Variants in CTTNBP2NL observed in about 807,000 individuals in gnomAD.
CTTNBP2NL encodes CTTNBP2 N-terminal like.
A neutral mutation model predicts 32.5 loss-of-function variants in CTTNBP2NL; 16 were observed. The ratio of observed to expected loss-of-function variants is 0.49; its 90% CI spans 0.33 to 0.75. The LOEUF (loss-of-function observed/expected upper bound fraction) is 0.75, where lower values mean the gene tolerates loss of function less well. Among genes scored for constraint, CTTNBP2NL ranks in the 30% least tolerant of loss-of-function variants. The pLI, the probability that CTTNBP2NL is intolerant of heterozygous loss-of-function variation, is 0.02. For synonymous variants in CTTNBP2NL, 298 were observed against 289.4 expected, an observed-to-expected ratio of 1.03 and a Z score of -0.30; for missense variants, 645 against 756.0, an observed-to-expected ratio of 0.85 and a Z score of 1.72.
At chr1:112,453,052 T>C (rs546475756) in intron 4 of CTTNBP2NL, among the ~76,000 whole-genome samples, 1 of 151,042 alleles carries the variant, frequency 6.6e-6, no homozygotes, top group African/African-American at 2.4e-5. Context: ...GAGGCAAAGA[T>C]TGCAGTGAGC....
chr1:112,394,255 T>C (rs1394581160), upstream of CTTNBP2NL, among the ~76,000 whole-genome samples: 1 of 150,374 alleles, frequency 6.7e-6, no homozygotes, highest in East Asian at 1.9e-4. Flanking sequence ...GCTGATTCAC[T>C]AGAACAACTC....
At chr1:112,425,979 GTGTGTGTGTGTGTGTGTGTGTGTGTC>G (rs1231051011) in intron 3 of CTTNBP2NL, among the ~76,000 whole-genome samples, 2 of 121,378 alleles carry the variant, frequency 1.6e-5, no homozygotes, top group Admixed American at 9.2e-5. Flanking sequence ...GTGTGTGTGT[GTGTGTGTGTGTGTGTGTGTGTGTGTC>G]TGTCTGTCTT....
At chr1:112,409,088 A>C (rs180894215) in intron 1 of CTTNBP2NL, among the ~76,000 whole-genome samples, 1,500 of 148,042 alleles carry the variant, frequency 0.01, 12 homozygotes, top group Middle Eastern at 0.021. Context: ...AGGTTGTGCC[A>C]GTGCACTCCA....
Position 112,459,023 on chromosome 1 carries a change from C to T in CTTNBP2NL, c.*1611C>T, listed in dbSNP as rs138107052. 3 of 152,292 alleles carry T rather than the reference C, an allele frequency of 2.0e-5. No homozygotes were observed. In the East Asian group the frequency reaches 5.8e-4, roughly 29 times the overall value. The allele number at this position is 152,292 out of a possible 1,614,324, so 9.4% of individuals were successfully genotyped here. A position where few individuals can be genotyped will look rare whatever the true frequency, so the allele number is the denominator to read the frequency against. ...TGCAAGAATGCTAAACCAGGATTAC[C>T]AGTTCTTCACATTTTTTGAAATCCA... is the stretch of plus-strand genomic sequence containing the variant. On this transcript the variant is annotated 3_prime_UTR_variant, in exon 6 of 6. Coordinates refer to ENST00000271277, the MANE Select transcript of CTTNBP2NL (RefSeq NM_018704.3).
chr1:112,431,926 C>T (rs991222271), intron 3 of CTTNBP2NL, among the ~76,000 whole-genome samples: 9 of 151,806 alleles, frequency 5.9e-5, no homozygotes, highest in Non-Finnish European at 1.0e-4. Context: ...AAAGCAAGAC[C>T]CTGTCTCTAC....
chr1:112,415,797 C>T (rs867164058), intron 2 of CTTNBP2NL: 11 of 232,444 alleles, frequency 4.7e-5, no homozygotes, highest in East Asian at 1.7e-4. Context: ...CTTCGTGGTC[C>T]GCCCACCTTA....
chr1:112,446,739 A>G (rs1650054070), intron 3 of CTTNBP2NL, among the ~76,000 whole-genome samples: 2 of 152,168 alleles, frequency 1.3e-5, no homozygotes, highest in South Asian at 4.2e-4. Flanking sequence ...TTGTAGAGAC[A>G]AGGTCTCCCT....
chr1:112,452,022 T>G (rs1321418520), intron 4 of CTTNBP2NL, among the ~76,000 whole-genome samples: 6 of 152,164 alleles, frequency 3.9e-5, no homozygotes, highest in Non-Finnish European at 2.9e-5. Flanking sequence ...TGTGGGGTTT[T>G]AGTCTTTTTA....
intron 3 of CTTNBP2NL, among the ~76,000 whole-genome samples, chr1:112,435,398 A>T (rs1649702456): frequency 6.6e-6 from 1 of 152,134 alleles, no homozygotes; most frequent in Non-Finnish European, 1.5e-5. Context: ...TATCCCAGGT[A>T]TCTGGACCCA....
In CTTNBP2NL at chr1:112,405,023, C is replaced by T. The variant is rs189265802; in HGVS notation, c.-133-7171C>T. ...CCGAGGTTGCGGTGAGCCGAGGTTG[C>T]GCCATTGCACTCCAGGCTGGGCAAC... On this transcript the variant is annotated intron_variant, in intron 1 of 5. Transcript: ENST00000271277. 9.7e-3 allele frequency among the ~76,000 whole-genome samples: 1,475 copies of T among 151,648 alleles called. 35 individuals carry two copies. The highest frequency in any genetic ancestry group is 0.034 in the African/African-American group (1,390 of 41,354).
rs1650386864 is a variant in CTTNBP2NL, at chr1:112,456,967, T to C, written c.1475T>C (p.Ile492Thr). 2 of 1,613,960 alleles carry C rather than the reference T, an allele frequency of 1.2e-6. No homozygotes were observed. The highest frequency in any genetic ancestry group is 1.7e-6 in the Non-Finnish European group (2 of 1,180,002). Residue 492 changes from isoleucine to threonine, a missense_variant, in exon 6 of 6, where the codon ATA (isoleucine) becomes ACA (threonine). Transcript: ENST00000271277. The stretch of plus-strand genomic sequence containing the variant: ...TCCAGGGATTTATCCCCCACCCTCA[T>C]AGACAACTCTGCCGCCAAGCAGCTG... ...PPSRDLSPTL[I>T]DNSAAKQLAR...
At chr1:112,425,802 G>T (rs1314998304) in intron 3 of CTTNBP2NL, among the ~76,000 whole-genome samples, 4 of 152,134 alleles carry the variant, frequency 2.6e-5, no homozygotes, top group Admixed American at 1.3e-4. Flanking sequence ...GATTGAGGCT[G>T]CAATGAGCTA....
At chr1:112,444,897 C>T (rs1205442923) in intron 3 of CTTNBP2NL, among the ~76,000 whole-genome samples, 1 of 152,208 alleles carries the variant, frequency 6.6e-6, no homozygotes, top group Non-Finnish European at 1.5e-5. Context: ...ATGATATTCA[C>T]ACCCTTGGGT....
At chr1:112,434,940 C>G (rs538927192) in intron 3 of CTTNBP2NL, among the ~76,000 whole-genome samples, 2 of 151,948 alleles carry the variant, frequency 1.3e-5, no homozygotes, top group South Asian at 2.1e-4. Context: ...GTCAGGAGTT[C>G]GAGACTAGCT....
At position 112,457,827 on chromosome 1, in the gene CTTNBP2NL, G is replaced by C. The variant is rs1396156799; in HGVS notation, c.*415G>C. ...TGAAATATGACTGCCATATGAATGT[G>C]ATTCTGCAGCAAAAAACACAAAATA... On this transcript the variant is annotated 3_prime_UTR_variant, in exon 6 of 6. Coordinates refer to ENST00000271277, the MANE Select transcript of CTTNBP2NL (RefSeq NM_018704.3). The C allele has an allele frequency of 1.9e-5, 3 of 157,704 alleles. No homozygotes were observed. The highest frequency in any genetic ancestry group is 6.4e-5 in the Admixed American group (1 of 15,616). 9.8% of individuals were successfully genotyped at this position (157,704 alleles called of 1,614,324 possible).
chr1:112,433,460 G>T (rs1029349360), intron 3 of CTTNBP2NL, among the ~76,000 whole-genome samples: 1 of 152,156 alleles, frequency 6.6e-6, no homozygotes, highest in Non-Finnish European at 1.5e-5. Context: ...AGGCACAATG[G>T]TGCATGCCTG....
At position 112,429,899 on chromosome 1, in the gene CTTNBP2NL, C is replaced by A. The variant is rs1649510029; in HGVS notation, c.99+13635C>A. ...TACATCTCACAAAGCCTCTTCCTTC[C>A]TTTTAGCTTGGTTCTCTTGAGAATA... On this transcript the variant is annotated intron_variant, in intron 3 of 5. Coordinates refer to ENST00000271277, the MANE Select transcript of CTTNBP2NL (RefSeq NM_018704.3). Among the ~76,000 whole-genome samples, 3 of 152,264 alleles carry A rather than the reference C, an allele frequency of 2.0e-5. No homozygotes were observed. The South Asian group carries it at 6.2e-4, about 32-fold the overall frequency.
rs189369465 is a variant in CTTNBP2NL at position 112,438,545 on chromosome 1, A to G, written c.100-10397A>G. ...GAATAGTTTGACTTCCTCTTTTCTT[A>G]TTTGGATGCCCTTTATTTATTTCTC... is the stretch of plus-strand genomic sequence containing the variant. On this transcript the variant is annotated intron_variant, in intron 3 of 5. Coordinates refer to ENST00000271277, the MANE Select transcript of CTTNBP2NL (RefSeq NM_018704.3). Among the ~76,000 whole-genome samples the G allele has an allele frequency of 3.5e-3, 527 of 152,240 alleles. 3 individuals are homozygous for G. The highest frequency in any genetic ancestry group is 0.012 in the African/African-American group (490 of 41,520).
At chr1:112,411,831 C>T (rs1302398996) in intron 1 of CTTNBP2NL, among the ~76,000 whole-genome samples, 3 of 152,094 alleles carry the variant, frequency 2.0e-5, no homozygotes, top group African/African-American at 7.2e-5. Context: ...CACAGGCACC[C>T]GCCACCACGC....
Sources: gnomAD v4.1 joint callset for allele counts (sites outside exome capture counted in the v4.1 genomes callset) on GRCh38, gnomAD v4.1.1 for gene constraint, MANE v1.5 for transcripts, NCBI Gene and HGNC (gene_info 2026-07-23, HGNC 2026-07-21) for gene names.